SLC35D4: variants seen among roughly 807,000 people sequenced by gnomAD.
The protein encoded by SLC35D4 is solute carrier family 35 member D4.
the SLC35D4 span, among the ~76,000 whole-genome samples, chr18:23,410,642 C>CA: frequency 1.3e-5 from 2 of 150,760 alleles, no homozygotes; most frequent in African/African-American, 4.9e-5. Flanking sequence ...CCTAAAAATA[C>CA]AAAAAGTAGC....
the SLC35D4 span, among the ~76,000 whole-genome samples, chr18:23,267,272 G>A: frequency 1.8e-4 from 28 of 152,226 alleles, no homozygotes; most frequent in African/African-American, 6.5e-4. Flanking sequence ...GCTGTCCAGC[G>A]TGCACATGGC....
the SLC35D4 span, among the ~76,000 whole-genome samples, chr18:23,358,662 C>T: frequency 3.3e-5 from 5 of 152,270 alleles, no homozygotes; most frequent in South Asian, 1.0e-3. Context: ...AGTGGGGATG[C>T]TATTTTCCTC....
the SLC35D4 span, among the ~76,000 whole-genome samples, chr18:23,350,325 A>C: frequency 6.6e-6 from 1 of 152,136 alleles, no homozygotes; most frequent in African/African-American, 2.4e-5. Flanking sequence ...TCTGGCAAAG[A>C]CTAGTCAGAA....
the SLC35D4 span, among the ~76,000 whole-genome samples, chr18:23,327,177 A>G: frequency 6.6e-6 from 1 of 152,236 alleles, no homozygotes; most frequent in East Asian, 1.9e-4. Flanking sequence ...AAACTAGCAG[A>G]AGGCAAGAAA....
chr18:23,305,293 G>C, the SLC35D4 span, among the ~76,000 whole-genome samples: 2 of 152,180 alleles, frequency 1.3e-5, no homozygotes, highest in Non-Finnish European at 2.9e-5. Flanking sequence ...ACAGTGGTGG[G>C]ACAAGGAACA....
chr18:23,262,973 C>T, the SLC35D4 span, among the ~76,000 whole-genome samples: 1 of 152,176 alleles, frequency 6.6e-6, no homozygotes, highest in Non-Finnish European at 1.5e-5. Flanking sequence ...CGGTCTTCAA[C>T]AAGGGGCTGG....
chr18:23,302,073 C>T, the SLC35D4 span, among the ~76,000 whole-genome samples: 1 of 152,180 alleles, frequency 6.6e-6, no homozygotes, highest in Admixed American at 6.5e-5. Flanking sequence ...CAACACTAGG[C>T]CTAGAGATGC....
At chr18:23,381,599 A>T in the SLC35D4 span, among the ~76,000 whole-genome samples, 1 of 152,208 alleles carries the variant, frequency 6.6e-6, no homozygotes. Context: ...AACAACAACA[A>T]ATTACCCACT....
At chr18:23,246,682 C>T in the SLC35D4 span, among the ~76,000 whole-genome samples, 18 of 151,594 alleles carry the variant, frequency 1.2e-4, 1 homozygote, top group Admixed American at 5.3e-4. Context: ...TGAGCCACCG[C>T]ACCCGGCCAG....
the SLC35D4 span, among the ~76,000 whole-genome samples, chr18:23,433,210 C>T: frequency 6.3e-4 from 96 of 152,028 alleles, no homozygotes; most frequent in African/African-American, 2.3e-3. Flanking sequence ...CAGGCACGCA[C>T]CACCATGCCC....
the SLC35D4 span, among the ~76,000 whole-genome samples, chr18:23,350,523 C>T: frequency 2.6e-5 from 4 of 152,090 alleles, no homozygotes; most frequent in Admixed American, 2.6e-4. Context: ...TGAGCCTGTT[C>T]CATCACTACT....
the SLC35D4 span, among the ~76,000 whole-genome samples, chr18:23,286,572 T>C: frequency 1.2e-4 from 18 of 151,686 alleles, no homozygotes; most frequent in Non-Finnish European, 2.1e-4. Context: ...CCATCACGGA[T>C]GCCGAGCTTC....
At chr18:23,420,789 T>C in the SLC35D4 span, among the ~76,000 whole-genome samples, 4 of 152,282 alleles carry the variant, frequency 2.6e-5, no homozygotes. Flanking sequence ...TTATAAAATA[T>C]ATATCTCAAT....
At chr18:23,301,142 T>C in the SLC35D4 span, among the ~76,000 whole-genome samples, 12 of 152,270 alleles carry the variant, frequency 7.9e-5, no homozygotes, top group Admixed American at 7.9e-4. Context: ...TAAACTATTT[T>C]TTCCTTTTTC....
chr18:23,366,103 A>T, the SLC35D4 span, among the ~76,000 whole-genome samples: 4 of 152,224 alleles, frequency 2.6e-5, no homozygotes, highest in Non-Finnish European at 5.9e-5. Context: ...AGATAGTTAC[A>T]TTTCCAAGAG....
At chr18:23,300,069 T>G in the SLC35D4 span, among the ~76,000 whole-genome samples, 273 of 152,230 alleles carry the variant, frequency 1.8e-3, 8 homozygotes, top group East Asian at 0.048. Flanking sequence ...ACGACCCTAT[T>G]TGGGAACGAG....
chr18:23,437,939 A>T, the SLC35D4 span: 1 of 1,424,282 alleles, frequency 7.0e-7, no homozygotes, highest in Non-Finnish European at 9.7e-7. Context: ...CAGCAGCGGC[A>T]GCGGCAGCAG....
At chr18:23,277,835 G>T in the SLC35D4 span, among the ~76,000 whole-genome samples, 1 of 152,206 alleles carries the variant, frequency 6.6e-6, no homozygotes, top group African/African-American at 2.4e-5. Flanking sequence ...GGTTGAGCAG[G>T]CCAAGGACAA....
chr18:23,386,468 C>T, the SLC35D4 span, among the ~76,000 whole-genome samples: 7 of 152,122 alleles, frequency 4.6e-5, no homozygotes, highest in East Asian at 1.9e-4. Flanking sequence ...GGCTCAGGAC[C>T]GGGCCCAGCC....
Sources: allele counts gnomAD v4.1 joint callset (sites outside exome capture counted in the v4.1 genomes callset), GRCh38; gene constraint gnomAD v4.1.1; transcripts MANE v1.5; gene names NCBI Gene and HGNC (gene_info 2026-07-23, HGNC 2026-07-21).